Variants in ZHX3 observed in about 807,000 individuals in gnomAD.
The protein encoded by ZHX3 is zinc fingers and homeoboxes 3, also known as zinc fingers and homeoboxes protein 3.
Under a neutral mutation model 64.5 loss-of-function variants are expected in ZHX3, and 20 were observed. The observed-to-expected ratio is 0.31, with a 90% CI of 0.22 to 0.45. The LOEUF is 0.45. ZHX3 is among the 20% of genes least tolerant of loss of function. The probability of loss-of-function intolerance (pLI) is 1.00; values close to 1 mark genes in which losing one functional copy is unlikely to be tolerated. For synonymous variants in ZHX3, 423 were observed against 461.6 expected (o/e 0.92, Z 1.07); for missense variants, 1,041 against 1,195.8 (o/e 0.87, Z 1.91).
At chr20:41,257,232 G>A (rs1221499657) in intron 2 of ZHX3, among the ~76,000 whole-genome samples, 1 of 152,122 alleles carries the variant, frequency 6.6e-6, no homozygotes, top group Non-Finnish European at 1.5e-5. Flanking sequence ...CTACTAAGTG[G>A]TATCTTGGGA....
chr20:41,295,943 GAC>G (rs2044494012), intron 1 of ZHX3, among the ~76,000 whole-genome samples: 2 of 151,992 alleles, frequency 1.3e-5, no homozygotes, highest in East Asian at 1.9e-4. Flanking sequence ...AGTAAAAGGT[GAC>G]ACACACAGTT....
intron 2 of ZHX3, among the ~76,000 whole-genome samples, chr20:41,253,075 G>A (rs1019952885): frequency 1.3e-5 from 2 of 152,154 alleles, no homozygotes; most frequent in Non-Finnish European, 2.9e-5. Flanking sequence ...AATTTGTAAG[G>A]ACTGCAGGAC....
chr20:41,264,791 AAAG>A (rs1178674971), intron 2 of ZHX3, among the ~76,000 whole-genome samples: 2 of 152,276 alleles, frequency 1.3e-5, no homozygotes, highest in South Asian at 2.1e-4. Context: ...CAAAAATTTA[AAAG>A]AATAGTAAAT....
intron 2 of ZHX3, among the ~76,000 whole-genome samples, chr20:41,243,244 G>GTGCT (rs2041495113): frequency 6.6e-6 from 1 of 152,212 alleles, no homozygotes; most frequent in African/African-American, 2.4e-5. Flanking sequence ...TGAATAGGAT[G>GTGCT]TGCTACCAGC....
At chr20:41,273,609 T>C (rs929572390) in intron 1 of ZHX3, among the ~76,000 whole-genome samples, 1 of 152,190 alleles carries the variant, frequency 6.6e-6, no homozygotes, top group Non-Finnish European at 1.5e-5. Flanking sequence ...GTTAAAGAGA[T>C]TGTCCTTTCC....
Position 41,184,374 on chromosome 20 carries a change from T to C in ZHX3, c.*817A>G, listed in dbSNP as rs770821724. 1 of 153,640 alleles carries C rather than the reference T, an allele frequency of 6.5e-6. No homozygotes were observed. Among genetic ancestry groups the C allele is most frequent in the Non-Finnish European group, 1.4e-5 (1 of 69,090 alleles). The allele number at this position is 153,640 out of a possible 1,614,324, so 9.5% of individuals were successfully genotyped here. On this transcript the variant is annotated 3_prime_UTR_variant, in exon 4 of 4. Transcript: ENST00000683867. Reference sequence around the variant, plus strand: ...AGGCACATAGGTCAGCACATTAGGCTTAACAACAAATGTTTCTTTAGTTGA... The same window carrying C: ...AGGCACATAGGTCAGCACATTAGGCCTAACAACAAATGTTTCTTTAGTTGA...
chr20:41,194,744 A>G (rs1249567876), intron 3 of ZHX3, among the ~76,000 whole-genome samples: 1 of 152,086 alleles, frequency 6.6e-6, no homozygotes, highest in African/African-American at 2.4e-5. Context: ...TTATTGATAT[A>G]TTTTGGTTTT....
At chr20:41,293,920 T>C (rs1295775504) in intron 1 of ZHX3, among the ~76,000 whole-genome samples, 9 of 152,240 alleles carry the variant, frequency 5.9e-5, no homozygotes, top group African/African-American at 2.2e-4. Context: ...AATTTTCTGA[T>C]GTTTCTTGCC....
chr20:41,215,948 CAAAAAAA>C (rs536278761), intron 2 of ZHX3, among the ~76,000 whole-genome samples: 1 of 58,096 alleles, frequency 1.7e-5, no homozygotes, highest in Non-Finnish European at 3.6e-5. Context: ...CGAGACTGTC[CAAAAAAA>C]AAAAAAAAGG....
At chr20:41,299,234 A>C (rs2044691295) in intron 1 of ZHX3, among the ~76,000 whole-genome samples, 1 of 152,234 alleles carries the variant, frequency 6.6e-6, no homozygotes, top group African/African-American at 2.4e-5. Flanking sequence ...ATTCTAGTTA[A>C]AGGTAAATAA....
At chr20:41,196,556 T>C (rs1313062134) in intron 3 of ZHX3, 5 of 82,550 alleles carry the variant, frequency 6.1e-5, no homozygotes, top group African/African-American at 2.5e-4. Flanking sequence ...ATAATATATA[T>C]TATATATAAT....
At chr20:41,296,503 A>G (rs907699778) in intron 1 of ZHX3, among the ~76,000 whole-genome samples, 1 of 152,182 alleles carries the variant, frequency 6.6e-6, no homozygotes, top group Non-Finnish European at 1.5e-5. Flanking sequence ...ATGTCACAAG[A>G]AAGTCCCTAG....
At chr20:41,222,173 G>A (rs1175220504) in intron 2 of ZHX3, among the ~76,000 whole-genome samples, 2 of 152,202 alleles carry the variant, frequency 1.3e-5, no homozygotes, top group Non-Finnish European at 2.9e-5. Context: ...TAGAGATGGA[G>A]GTAAGAAGAA....
intron 1 of ZHX3, among the ~76,000 whole-genome samples, chr20:41,308,262 G>A (rs1267316897): frequency 6.6e-6 from 1 of 152,140 alleles, no homozygotes; most frequent in African/African-American, 2.4e-5. Context: ...AAATGGCATT[G>A]CTAATCCTCC....
At chr20:41,220,356 G>A (rs1252323726) in intron 2 of ZHX3, among the ~76,000 whole-genome samples, 1 of 152,318 alleles carries the variant, frequency 6.6e-6, no homozygotes, top group Admixed American at 6.5e-5. Flanking sequence ...AGAAAACATG[G>A]CATGATTGGA....
At chr20:41,311,857 G>A (rs1003677924) in intron 1 of ZHX3, among the ~76,000 whole-genome samples, 5 of 152,130 alleles carry the variant, frequency 3.3e-5, no homozygotes, top group East Asian at 3.8e-4. Flanking sequence ...ACGAATTCTC[G>A]AAAAAAGTAG....
intron 2 of ZHX3, among the ~76,000 whole-genome samples, chr20:41,263,240 T>C (rs2042650648): frequency 6.6e-6 from 1 of 152,016 alleles, no homozygotes; most frequent in Non-Finnish European, 1.5e-5. Flanking sequence ...ATAATGATAA[T>C]GAAGTTGGAA....
rs191461197 is a variant in ZHX3, at chr20:41,215,450, T to C, written c.-150-10384A>G. ...TATGTGAGTTTTTTAGATAAAAATC[T>C]TAAAGTGTTTATCTTTAAATTATAG... is the stretch of plus-strand genomic sequence containing the variant. On this transcript the variant is annotated intron_variant, in intron 2 of 3. Coordinates refer to ENST00000683867, the MANE Select transcript of ZHX3 (RefSeq NM_001384317.1). Among the ~76,000 whole-genome samples, 315 of 152,286 alleles carry C rather than the reference T, an allele frequency of 2.1e-3. 4 individuals carry two copies. The highest frequency in any genetic ancestry group is 5.2e-3 in the South Asian group (25 of 4,828).
chr20:41,234,846 C>T (rs565303820), intron 2 of ZHX3, among the ~76,000 whole-genome samples: 1 of 152,336 alleles, frequency 6.6e-6, no homozygotes, highest in African/African-American at 2.4e-5. Context: ...CAGGGCCAGG[C>T]ACCTACTGGG....
Sources: gnomAD v4.1 joint callset for allele counts (sites outside exome capture counted in the v4.1 genomes callset) on GRCh38, gnomAD v4.1.1 for gene constraint, MANE v1.5 for transcripts, NCBI Gene and HGNC (gene_info 2026-07-23, HGNC 2026-07-21) for gene names.